DLGAP2: variants seen among roughly 807,000 people sequenced by gnomAD.
DLGAP2 encodes disks large-associated protein 2.
In DLGAP2, 26 loss-of-function variants were observed where a neutral mutation model predicts 100.3. That is an observed-to-expected ratio of 0.26 (90% CI 0.19 to 0.36). The LOEUF (loss-of-function observed/expected upper bound fraction) is 0.36, where lower values mean the gene tolerates loss of function less well. DLGAP2 is among the 10% of genes least tolerant of loss of function. The pLI is 1.00. For synonymous variants in DLGAP2, 886 were observed against 630.1 expected, an observed-to-expected ratio of 1.41 and a Z score of -6.08; for missense variants, 1,858 against 1,453.2, an observed-to-expected ratio of 1.28 and a Z score of -4.53.
chr8:1,103,373 A>C (rs112999842), intron 2 of DLGAP2, among the ~76,000 whole-genome samples: 15 of 131,112 alleles, frequency 1.1e-4, no homozygotes, highest in East Asian at 2.5e-4. Flanking sequence ...ACTGACGGGG[A>C]CTTGGTTAAC....
chr8:1,156,089 G>A (rs1303730675), intron 2 of DLGAP2, among the ~76,000 whole-genome samples: 1 of 152,188 alleles, frequency 6.6e-6, no homozygotes, highest in African/African-American at 2.4e-5. Context: ...GAAAGCTCTT[G>A]GTACAGCCGA....
At chr8:1,464,258 C>T (rs1290513154) in intron 3 of DLGAP2, among the ~76,000 whole-genome samples, 11 of 112,954 alleles carry the variant, frequency 9.7e-5, no homozygotes, top group Admixed American at 3.5e-4. Context: ...GGACGGCTCC[C>T]TTCCAGGACG....
At chr8:1,525,354 G>A (rs1179116498) in intron 4 of DLGAP2, among the ~76,000 whole-genome samples, 1 of 152,072 alleles carries the variant, frequency 6.6e-6, no homozygotes, top group Non-Finnish European at 1.5e-5. Context: ...TTTTATTTTA[G>A]TTGGATTTTT....
At chr8:820,068 A>G (rs989352506) in intron 1 of DLGAP2, among the ~76,000 whole-genome samples, 2 of 152,244 alleles carry the variant, frequency 1.3e-5, no homozygotes, top group African/African-American at 2.4e-5. Context: ...AGATAAATCA[A>G]TCTGTAGAAC....
intron 1 of DLGAP2, among the ~76,000 whole-genome samples, chr8:862,598 C>G (rs1797414640): frequency 1.3e-5 from 2 of 152,152 alleles, no homozygotes; most frequent in African/African-American, 4.8e-5. Flanking sequence ...TGGCCAGACT[C>G]CAGTTTTATT....
chr8:1,318,778 G>GCACCCCCCCCCCCCCCCC (rs1554441868), intron 3 of DLGAP2, among the ~76,000 whole-genome samples: 1 of 105,574 alleles, frequency 9.5e-6, no homozygotes, highest in Non-Finnish European at 1.8e-5. Flanking sequence ...TCAGTGATCA[G>GCACCCCCCCCCCCCCCCC]CCCCCCCCCC....
intron 3 of DLGAP2, among the ~76,000 whole-genome samples, chr8:1,499,257 G>C (rs1314912411): frequency 6.6e-6 from 1 of 152,196 alleles, no homozygotes; most frequent in African/African-American, 2.4e-5. Flanking sequence ...TTAGCGGAGT[G>C]CTCATGCTTG....
At chr8:1,302,154 T>G (rs930801703) in intron 3 of DLGAP2, 3 of 151,994 alleles carry the variant, frequency 2.0e-5, no homozygotes, top group African/African-American at 4.8e-5. Flanking sequence ...GACTCGGCAT[T>G]TTCTGTGAGT....
intron 3 of DLGAP2, among the ~76,000 whole-genome samples, chr8:1,486,905 C>A (rs1049935301): frequency 1.3e-5 from 2 of 152,170 alleles, no homozygotes; most frequent in Non-Finnish European, 2.9e-5. Context: ...TTTGTCTCCA[C>A]GTTCCCAATA....
intron 1 of DLGAP2, among the ~76,000 whole-genome samples, chr8:906,927 T>G (rs1245261893): frequency 1.3e-5 from 2 of 152,130 alleles, no homozygotes; most frequent in African/African-American, 2.4e-5. Context: ...TGGGAGAGAA[T>G]TGTTCTTTTT....
intron 3 of DLGAP2, among the ~76,000 whole-genome samples, chr8:1,383,059 T>C (rs1318932314): frequency 5.9e-5 from 9 of 152,244 alleles, no homozygotes; most frequent in Non-Finnish European, 2.9e-5. Flanking sequence ...TCTTTGGACG[T>C]AAGTATTCTC....
chr8:1,561,938 C>G (rs368709051), intron 5 of DLGAP2, among the ~76,000 whole-genome samples: 17 of 22,318 alleles, frequency 7.6e-4, no homozygotes, highest in Admixed American at 2.2e-3. Flanking sequence ...CTCGTTGCTG[C>G]GGGACTGTGT....
In DLGAP2 at chr8:813,416, G is replaced by T. The variant is rs1378506592; in HGVS notation, c.18+75591G>T. 2.6e-5 allele frequency among the ~76,000 whole-genome samples: 4 copies of T among 152,102 alleles called. No individual in the cohort carries two copies. The East Asian group carries it at 7.7e-4, about 29-fold the overall frequency. ...AAAATATTATGTTGTGATTTAGAAG[G>T]TAGATTCTATAATGTCATCTTGTTT... On this transcript the variant is annotated intron_variant, in intron 1 of 14. Transcript: ENST00000637795.
chr8:778,560 T>C (rs999044248), intron 1 of DLGAP2, among the ~76,000 whole-genome samples: 1 of 152,228 alleles, frequency 6.6e-6, no homozygotes, highest in African/African-American at 2.4e-5. Flanking sequence ...GTTTTCCTCC[T>C]AACGGACAGG....
intron 2 of DLGAP2, among the ~76,000 whole-genome samples, chr8:1,058,615 G>T (rs1422650627): frequency 2.0e-5 from 3 of 152,174 alleles, no homozygotes; most frequent in Non-Finnish European, 4.4e-5. Flanking sequence ...GGCTCATCAC[G>T]GCTGGTTAAA....
intron 3 of DLGAP2, among the ~76,000 whole-genome samples, chr8:1,423,873 C>G (rs933400454): frequency 2.0e-5 from 3 of 152,208 alleles, no homozygotes; most frequent in Non-Finnish European, 4.4e-5. Context: ...CAGCCATTCC[C>G]TGCATGGAAA....
chr8:1,076,839 A>G lies in DLGAP2; in HGVS notation c.73+168873A>G, dbSNP rs542855520. 9.0e-5 allele frequency among the ~76,000 whole-genome samples: 12 copies of G among 133,974 alleles called. 1 individual carries two copies. The highest frequency in any genetic ancestry group is 3.5e-4 in the African/African-American group (12 of 34,580). 87.9% of individuals were successfully genotyped at this position (133,974 alleles called of 152,430 possible). A position where few individuals can be genotyped will look rare whatever the true frequency, so the allele number is the denominator to read the frequency against. On this transcript the variant is annotated intron_variant, in intron 2 of 14. Transcript: ENST00000637795. The stretch of plus-strand genomic sequence containing the variant: ...TCCCAGGCCCCCCCCCAAGACCAAG[A>G]GGGGGAGGAGGAGTCTGTCCTGGGC...
intron 8 of DLGAP2, among the ~76,000 whole-genome samples, chr8:1,666,827 C>T (rs1465935155): frequency 6.6e-6 from 1 of 152,126 alleles, no homozygotes; most frequent in African/African-American, 2.4e-5. Context: ...TAGGAAAATC[C>T]ACTCATGGGT....
intron 6 of DLGAP2, among the ~76,000 whole-genome samples, chr8:1,585,554 C>T (rs1042931421): frequency 6.6e-6 from 1 of 152,216 alleles, no homozygotes; most frequent in Non-Finnish European, 1.5e-5. Flanking sequence ...AACTGAAAAA[C>T]ACATAATCCA....
Sources: gnomAD v4.1 joint callset for allele counts (sites outside exome capture counted in the v4.1 genomes callset) on GRCh38, gnomAD v4.1.1 for gene constraint, MANE v1.5 for transcripts, NCBI Gene and HGNC (gene_info 2026-07-23, HGNC 2026-07-21) for gene names.